FAM135B: variants seen among roughly 807,000 people sequenced by gnomAD.
FAM135B encodes family with sequence similarity 135 member B.
Under a neutral mutation model 127.7 loss-of-function variants are expected in FAM135B, and 43 were observed. The ratio of observed to expected loss-of-function variants is 0.34; its 90% CI spans 0.26 to 0.43. FAM135B has a LOEUF of 0.43. Among genes scored for constraint, FAM135B ranks in the 20% least tolerant of loss-of-function variants. The probability of loss-of-function intolerance (pLI) is 1.00; values close to 1 mark genes in which losing one functional copy is unlikely to be tolerated. For synonymous variants in FAM135B, 670 were observed against 665.1 expected, an observed-to-expected ratio of 1.01 and a Z score of -0.11; for missense variants, 1,558 against 1,725.6, an observed-to-expected ratio of 0.90 and a Z score of 1.72.
chr8:138,445,619 A>T lies in FAM135B; in HGVS notation c.-20+51052T>A, dbSNP rs1022708392. On this transcript the variant is annotated intron_variant, in intron 1 of 19. Transcript: ENST00000395297. ...AATTCAACAACCCTTCATGCTAAAA[A>T]CTCTCAATAAATTAGGTATTGATGG... Among the ~76,000 whole-genome samples, 7 of 152,108 alleles carry T rather than the reference A, an allele frequency of 4.6e-5. No individual in the cohort carries two copies. In the South Asian group the frequency reaches 8.3e-4, roughly 18 times the overall value.
At chr8:138,245,380 G>A (rs867036796) in intron 6 of FAM135B, among the ~76,000 whole-genome samples, 8 of 152,172 alleles carry the variant, frequency 5.3e-5, no homozygotes, top group Non-Finnish European at 8.8e-5. Context: ...TGTTGTGGGA[G>A]GGATCCAGTG....
intron 2 of FAM135B, among the ~76,000 whole-genome samples, chr8:138,334,285 C>A (rs886503031): frequency 6.6e-6 from 1 of 152,220 alleles, no homozygotes; most frequent in Non-Finnish European, 1.5e-5. Context: ...TCTGGCAATA[C>A]TTCTACATAC....
At chr8:138,219,124 T>C (rs576192705) in intron 7 of FAM135B, among the ~76,000 whole-genome samples, 1 of 152,214 alleles carries the variant, frequency 6.6e-6, no homozygotes, top group Non-Finnish European at 1.5e-5. Flanking sequence ...GAAGGTACTA[T>C]CTTCACTACT....
At chr8:138,184,456 A>C (rs1269025566) in intron 9 of FAM135B, among the ~76,000 whole-genome samples, 1 of 152,176 alleles carries the variant, frequency 6.6e-6, no homozygotes. Flanking sequence ...TGAGTCAGAC[A>C]AGGGCTCCCC....
In FAM135B at chr8:138,484,586, A is replaced by G. The variant is rs549321860; in HGVS notation, c.-20+12085T>C. On this transcript the variant is annotated intron_variant, in intron 1 of 19. Coordinates refer to ENST00000395297, the MANE Select transcript of FAM135B (RefSeq NM_015912.4). ...AGTTTCACCTGGGGAAGTACTTTCT[A>G]CAGTCTACAGCTCATAGTAGGGGCT... Among the ~76,000 whole-genome samples the G allele has an allele frequency of 1.7e-4, 26 of 152,296 alleles. No individual in the cohort carries two copies. In the South Asian group the frequency reaches 2.5e-3, roughly 15 times the overall value.
intron 1 of FAM135B, among the ~76,000 whole-genome samples, chr8:138,431,025 A>C (rs1215884565): frequency 6.6e-6 from 1 of 152,228 alleles, no homozygotes; most frequent in Non-Finnish European, 1.5e-5. Flanking sequence ...AATATAATTA[A>C]TTATCTAAGG....
chr8:138,197,693 G>C, intron 7 of FAM135B, 24 bp from the exon 8 acceptor site: 1 of 1,608,780 alleles, frequency 6.2e-7, no homozygotes, highest in South Asian at 1.1e-5. Flanking sequence ...CAGAAACAGA[G>C]GCTGAGGAAT....
chr8:138,487,544 A>G (rs1482631697), intron 1 of FAM135B, among the ~76,000 whole-genome samples: 1 of 150,754 alleles, frequency 6.6e-6, no homozygotes, highest in Non-Finnish European at 1.5e-5. Flanking sequence ...TAAATGGCCC[A>G]GCACCCACCC....
At chr8:138,479,810 T>G (rs558874167) in intron 1 of FAM135B, among the ~76,000 whole-genome samples, 4 of 152,130 alleles carry the variant, frequency 2.6e-5, no homozygotes, top group Non-Finnish European at 4.4e-5. Context: ...GAAACAAAAT[T>G]TAGGTCTTTT....
chr8:138,401,496 C>T (rs918548082), intron 1 of FAM135B, among the ~76,000 whole-genome samples: 13 of 152,204 alleles, frequency 8.5e-5, no homozygotes, highest in Non-Finnish European at 1.5e-4. Flanking sequence ...GCCTTTCTTT[C>T]CCAGTCAGTG....
intron 2 of FAM135B, among the ~76,000 whole-genome samples, chr8:138,338,482 T>G (rs1304274077): frequency 6.6e-6 from 1 of 151,734 alleles, no homozygotes; most frequent in Non-Finnish European, 1.5e-5. Flanking sequence ...AAGAAGACAT[T>G]TATGCAGCCA....
At chr8:138,351,359 G>A (rs181667009) in intron 2 of FAM135B, among the ~76,000 whole-genome samples, 12 of 152,286 alleles carry the variant, frequency 7.9e-5, no homozygotes, top group African/African-American at 2.6e-4. Flanking sequence ...GGACACAGAG[G>A]CTGATGTGCA....
Position 138,243,177 on chromosome 8 carries a change from T to C in FAM135B, c.543-109A>G, listed in dbSNP as rs1820977803. 7.7e-7 allele frequency: 1 copy of C among 1,302,572 alleles called. No individual in the cohort carries two copies. The highest frequency in any genetic ancestry group is 1.0e-6 in the Non-Finnish European group (1 of 967,278). The allele number at this position is 1,302,572 out of a possible 1,614,324, so 80.7% of individuals were successfully genotyped here. Reference sequence around the variant, plus strand: ...CTGTGAAGCATTTGGGATAAGTCATTTAGGAGTAGTTCACCCCCTAGGGAG... The same window carrying C: ...CTGTGAAGCATTTGGGATAAGTCATCTAGGAGTAGTTCACCCCCTAGGGAG... On this transcript the variant is annotated intron_variant, in intron 6 of 19. Coordinates refer to ENST00000395297, the MANE Select transcript of FAM135B (RefSeq NM_015912.4). This position sits in a 1 kb window ranked among gnomAD's most constrained non-coding sequence, Gnocchi z 7.5.
chr8:138,225,562 G>A (rs1819361287), intron 7 of FAM135B, among the ~76,000 whole-genome samples: 1 of 151,888 alleles, frequency 6.6e-6, no homozygotes, highest in South Asian at 2.1e-4. Flanking sequence ...TTGTGCAGGG[G>A]TTGGGCAGAG....
chr8:138,275,564 G>A (rs1430660999), intron 3 of FAM135B, among the ~76,000 whole-genome samples: 1 of 152,030 alleles, frequency 6.6e-6, no homozygotes, highest in Non-Finnish European at 1.5e-5. Flanking sequence ...GCACCGTGGT[G>A]TGTGCCTATA....
intron 2 of FAM135B, among the ~76,000 whole-genome samples, chr8:138,321,874 C>T (rs918138750): frequency 1.3e-5 from 2 of 152,100 alleles, no homozygotes; most frequent in African/African-American, 4.8e-5. Context: ...TGTCGAGGTC[C>T]CTGTGAAGAG....
rs558045649 is a variant in FAM135B at position 138,185,666 on chromosome 8, G to A, written c.874-6976C>T. On this transcript the variant is annotated intron_variant, in intron 9 of 19. Coordinates refer to ENST00000395297, the MANE Select transcript of FAM135B (RefSeq NM_015912.4). ...AGGGTATAGCTCTGGGAAAGACTAC[G>A]TGACAATTTGGGATCTCCCAGAAGT... is the stretch of plus-strand genomic sequence containing the variant. Among the ~76,000 whole-genome samples, 11 of 152,298 alleles carry A rather than the reference G, an allele frequency of 7.2e-5. No individual in the cohort carries two copies. In the South Asian group the frequency reaches 1.5e-3, roughly 20 times the overall value.
intron 12 of FAM135B, among the ~76,000 whole-genome samples, chr8:138,164,717 T>C (rs75344234): frequency 0.05 from 7,631 of 152,278 alleles, 249 homozygotes; most frequent in Non-Finnish European, 0.074. Flanking sequence ...GTTCATCTTA[T>C]GTATCTTGAT....
chr8:138,137,351 T>A, intron 18 of FAM135B, 91 bp from the exon 19 acceptor site: 1 of 749,696 alleles, frequency 1.3e-6, no homozygotes, highest in Admixed American at 2.0e-5. Context: ...AGACTTGTCC[T>A]ATAGAGAGAA....
Sources: allele counts gnomAD v4.1 joint callset (sites outside exome capture counted in the v4.1 genomes callset), GRCh38; gene constraint gnomAD v4.1.1; non-coding constraint Gnocchi (gnomAD v3.1); transcripts MANE v1.5; gene names NCBI Gene and HGNC (gene_info 2026-07-23, HGNC 2026-07-21).